CD44: variants seen among roughly 807,000 people sequenced by gnomAD.
The protein encoded by CD44 is CD44 molecule (IN blood group), also known as CD44 antigen.
Under a neutral mutation model 88.8 loss-of-function variants are expected in CD44, and 49 were observed. The ratio of observed to expected loss-of-function variants is 0.55; its 90% CI spans 0.44 to 0.70. The LOEUF is 0.70. Ranked by LOEUF, CD44 falls within the 30% of genes least tolerant of loss-of-function variation. The probability of loss-of-function intolerance (pLI) is 0.00; values close to 1 mark genes in which losing one functional copy is unlikely to be tolerated. For synonymous variants in CD44, 325 were observed against 312.3 expected (o/e 1.04, Z -0.43); for missense variants, 883 against 913.8 (o/e 0.97, Z 0.43).
chr11:35,197,029 GT>G lies in CD44; in HGVS notation c.796+158del, dbSNP rs1946826342. 3 of 690,358 alleles carry G rather than the reference GT, an allele frequency of 4.3e-6. No homozygotes were observed. The East Asian group carries it at 8.3e-5, about 19-fold the overall frequency. The allele number at this position is 690,358 out of a possible 1,614,324, so 42.8% of individuals were successfully genotyped here. A position where few individuals can be genotyped will look rare whatever the true frequency, so the allele number is the denominator to read the frequency against. ...GGATCATTAACTCTGGTATCTGTTT[GT>G]TTGCTTGTATGGCACCAATAAGCAG... On this transcript the variant is annotated intron_variant, in intron 6 of 17. Coordinates refer to ENST00000428726, the MANE Select transcript of CD44 (RefSeq NM_000610.4).
chr11:35,183,372 A>G (rs1451286417), intron 3 of CD44, among the ~76,000 whole-genome samples: 1 of 151,624 alleles, frequency 6.6e-6, no homozygotes, highest in East Asian at 1.9e-4. Context: ...GGAGAAGAGG[A>G]TAAATGTGTT....
intron 1 of CD44, among the ~76,000 whole-genome samples, chr11:35,175,830 C>T (rs7110710): frequency 0.098 from 14,707 of 150,540 alleles, 838 homozygotes; most frequent in African/African-American, 0.14. Flanking sequence ...CTCTGGCTAG[C>T]AGAGAAGTTT....
chr11:35,155,801 A>G (rs1565020571), intron 1 of CD44, among the ~76,000 whole-genome samples: 2 of 152,210 alleles, frequency 1.3e-5, no homozygotes, highest in South Asian at 2.1e-4. Context: ...CTAAATTATG[A>G]GATGATGACC....
intron 1 of CD44, among the ~76,000 whole-genome samples, chr11:35,152,879 T>A (rs912663083): frequency 2.0e-5 from 3 of 152,184 alleles, no homozygotes; most frequent in African/African-American, 4.8e-5. Flanking sequence ...GAGGTGGGAA[T>A]GGGATAATCA....
At position 35,201,560 on chromosome 11, in the gene CD44, G is replaced by A. The variant is rs187837360; in HGVS notation, c.1037-111G>A. On this transcript the variant is annotated intron_variant, in intron 8 of 17. Coordinates refer to ENST00000428726, the MANE Select transcript of CD44 (RefSeq NM_000610.4). ...AAATTTTTGAGAGTGGATGCTCAGA[G>A]GTAACACTTTGGCATAGAATTGTTA... 12 of 1,356,110 alleles carry A rather than the reference G, an allele frequency of 8.8e-6. No individual in the cohort carries two copies. The African/African-American group carries it at 1.3e-4, about 15-fold the overall frequency. 84.0% of individuals were successfully genotyped at this position (1,356,110 alleles called of 1,614,324 possible).
rs1946953681 is a variant in CD44 at position 35,198,258 on chromosome 11, C to T, written c.922+12C>T. 1 of 1,612,754 alleles carries T rather than the reference C, an allele frequency of 6.2e-7. No homozygotes were observed. On this transcript the variant is annotated intron_variant, in intron 7 of 17. Transcript: ENST00000428726. ...TATCTCCAGCACCAGTAAGAATAAT[C>T]AATTACAGTACAGCCATTTATGCAA...
intron 1 of CD44, among the ~76,000 whole-genome samples, chr11:35,160,519 G>A (rs1004337647): frequency 1.3e-5 from 2 of 152,140 alleles, no homozygotes; most frequent in African/African-American, 2.4e-5. Context: ...AGAGTCACAC[G>A]GATTCCTTGA....
intron 17 of CD44, chr11:35,222,633 T>C: frequency 4.0e-6 from 3 of 745,326 alleles, no homozygotes; most frequent in Non-Finnish European, 4.9e-6. Flanking sequence ...ACATTATATA[T>C]ACACAATAGT....
chr11:35,228,058 G>A (rs1426504940), intron 17 of CD44, among the ~76,000 whole-genome samples: 4 of 152,186 alleles, frequency 2.6e-5, no homozygotes, highest in African/African-American at 9.7e-5. Flanking sequence ...CTTGCTTGTA[G>A]TTGTGAAGCT....
intron 14 of CD44, chr11:35,212,794 T>C (rs1212425704): frequency 6.6e-6 from 1 of 152,232 alleles, no homozygotes; most frequent in Non-Finnish European, 1.5e-5. Context: ...TCATTTCTCT[T>C]GGCAAAAGAA....
At chr11:35,211,799 G>A (rs907121143) in intron 14 of CD44, among the ~76,000 whole-genome samples, 4 of 152,020 alleles carry the variant, frequency 2.6e-5, no homozygotes, top group Non-Finnish European at 4.4e-5. Context: ...TATTTTTGCA[G>A]GTGAAAGTAG....
At chr11:35,143,433 A>G (rs1042151713) in intron 1 of CD44, among the ~76,000 whole-genome samples, 1 of 151,426 alleles carries the variant, frequency 6.6e-6, no homozygotes, top group Non-Finnish European at 1.5e-5. Context: ...AGCCCAATAC[A>G]CCTAGCACTC....
intron 3 of CD44, 50 bp from the exon 4 acceptor site, chr11:35,186,781 AT>A: frequency 2.0e-6 from 2 of 1,011,006 alleles, no homozygotes; most frequent in Middle Eastern, 4.1e-4. Flanking sequence ...ATGAGGGTAG[AT>A]TTTCCTCATG....
intron 17 of CD44, among the ~76,000 whole-genome samples, chr11:35,228,085 T>C (rs1362347221): frequency 6.6e-6 from 1 of 152,200 alleles, no homozygotes; most frequent in Admixed American, 6.5e-5. Context: ...CTTTCCTTCC[T>C]CTAAGCATAG....
chr11:35,206,017 C>T, intron 10 of CD44, 95 bp from the exon 11 acceptor site: 1 of 1,418,152 alleles, frequency 7.1e-7, no homozygotes, highest in Non-Finnish European at 9.2e-7. Context: ...ATTGTCTTGT[C>T]TAGAGAATAA....
chr11:35,143,533 G>A (rs184575098), intron 1 of CD44, among the ~76,000 whole-genome samples: 22 of 152,190 alleles, frequency 1.4e-4, no homozygotes, highest in East Asian at 9.6e-4. Flanking sequence ...TGGGATTTCC[G>A]CATTATCTAA....
chr11:35,224,964 G>T (rs1348725062), intron 17 of CD44, among the ~76,000 whole-genome samples: 2 of 152,074 alleles, frequency 1.3e-5, no homozygotes, highest in Non-Finnish European at 2.9e-5. Flanking sequence ...CTTCTCTTAT[G>T]CTACAGTCTA....
intron 3 of CD44, among the ~76,000 whole-genome samples, chr11:35,182,019 A>ATATATAAATATATACACATT (rs1945186397): frequency 8.2e-6 from 1 of 122,050 alleles, no homozygotes; most frequent in African/African-American, 3.1e-5. Flanking sequence ...GTATATATGT[A>ATATATAAATATATACACATT]TATATAAATA....
Position 35,229,431 on chromosome 11 carries a change from C to A in CD44, c.*98C>A, listed in dbSNP as rs1269082125. 2 of 716,750 alleles carry A rather than the reference C, an allele frequency of 2.8e-6. No individual in the cohort carries two copies. The highest frequency in any genetic ancestry group is 4.7e-6 in the Non-Finnish European group (2 of 430,074). 44.4% of individuals were successfully genotyped at this position (716,750 alleles called of 1,614,324 possible). A position where few individuals can be genotyped will look rare whatever the true frequency, so the allele number is the denominator to read the frequency against. ...AGATGCAATGTGCTACTGATTGTTT[C>A]ATTGCGAATCTTTTTTAGCATAAAA... On this transcript the variant is annotated 3_prime_UTR_variant, in exon 18 of 18. Coordinates refer to ENST00000428726, the MANE Select transcript of CD44 (RefSeq NM_000610.4).
Sources: allele counts gnomAD v4.1 joint callset (sites outside exome capture counted in the v4.1 genomes callset), GRCh38; gene constraint gnomAD v4.1.1; transcripts MANE v1.5; gene names NCBI Gene and HGNC (gene_info 2026-07-23, HGNC 2026-07-21).